Variants in TOR1A observed in about 807,000 individuals in gnomAD.
The protein encoded by TOR1A is torsin family 1 member A.
TOR1A carries 18 observed loss-of-function variants against 31.4 expected under a neutral mutation model. The observed-to-expected ratio is 0.57, with a 90% confidence interval of 0.40 to 0.85. TOR1A has a LOEUF of 0.85. Among genes scored for constraint, TOR1A ranks in the 40% least tolerant of loss-of-function variants. The pLI, the probability that TOR1A is intolerant of heterozygous loss-of-function variation, is 0.00. For synonymous variants in TOR1A, 168 were observed against 165.9 expected, an observed-to-expected ratio of 1.01 and a Z score of -0.10; for missense variants, 375 against 416.4, an observed-to-expected ratio of 0.90 and a Z score of 0.87.
rs1199909964 is a variant in TOR1A, at chr9:129,813,972, T to A, written c.999A>T (p.Ter333CysextTer3). The A allele has an allele frequency of 1.2e-6, 2 of 1,614,012 alleles. No individual in the cohort carries two copies. The highest frequency in any genetic ancestry group is 1.7e-6 in the Non-Finnish European group (2 of 1,180,028). The change falls in exon 5 of 5, where the codon TGA (stop) becomes TGT (cysteine). Residue 333 changes from the stop codon to cysteine, a stop_lost. Transcript: ENST00000351698. ...FTKLDYYYDD[*>C] ...TGACTCCGGCTGCCAATCATGACTG[T>A]CAATCATCGTAGTAATAATCTAACT... is the stretch of plus-strand genomic sequence containing the variant.
rs1179447360 is a variant in TOR1A at position 129,813,960 on chromosome 9, C to G, written c.*12G>C. 1 of 1,613,622 alleles carries G rather than the reference C, an allele frequency of 6.2e-7. No homozygotes were observed. The highest frequency in any genetic ancestry group is 8.5e-7 in the Non-Finnish European group (1 of 1,180,044). On this transcript the variant is annotated 3_prime_UTR_variant, in exon 5 of 5. Transcript: ENST00000351698. ...AACTCCAGGCAGTGACTCCGGCTGC[C>G]AATCATGACTGTCAATCATCGTAGT...
rs947763435 is a variant in TOR1A at position 129,818,993 on chromosome 9, G to C, written c.445-73C>G. 4.5e-6 allele frequency: 7 copies of C among 1,539,418 alleles called. No individual in the cohort carries two copies. The Admixed American group carries it at 1.2e-4, about 26-fold the overall frequency. On this transcript the variant is annotated intron_variant, in intron 2 of 4. Coordinates refer to ENST00000351698, the MANE Select transcript of TOR1A (RefSeq NM_000113.3). Reference sequence around the variant, plus strand: ...ATCAATCAGCTCCTTCTACCACTAAGAACCGCAGCTTCACTTACAGACCAC... The same window carrying C: ...ATCAATCAGCTCCTTCTACCACTAACAACCGCAGCTTCACTTACAGACCAC...
intron 4 of TOR1A, among the ~76,000 whole-genome samples, chr9:129,814,607 G>A (rs1292175077): frequency 2.0e-5 from 3 of 151,758 alleles, no homozygotes; most frequent in Non-Finnish European, 4.4e-5. Flanking sequence ...TTCTGTGACA[G>A]CAGAAGCTGT....
chr9:129,820,137 T>A (rs542983594), intron 2 of TOR1A, among the ~76,000 whole-genome samples: 1 of 142,100 alleles, frequency 7.0e-6, no homozygotes, highest in Non-Finnish European at 1.6e-5. Context: ...TATAACTTTT[T>A]TTTTTTGACA....
chr9:129,820,128 A>G (rs1189440775), intron 2 of TOR1A, among the ~76,000 whole-genome samples: 5 of 148,664 alleles, frequency 3.4e-5, no homozygotes, highest in Admixed American at 2.7e-4. Context: ...CACTGTTCAT[A>G]TAACTTTTTT....
intron 2 of TOR1A, chr9:129,821,526 G>C (rs922568723): frequency 1.3e-5 from 2 of 152,190 alleles, no homozygotes; most frequent in African/African-American, 4.8e-5. Flanking sequence ...TACGGAGCTG[G>C]GAGAGTGTTA....
In TOR1A at chr9:129,824,114, T is replaced by G; in HGVS notation, c.-29A>C. 3.9e-6 allele frequency: 6 copies of G among 1,545,050 alleles called. No individual in the cohort carries two copies. Among genetic ancestry groups the G allele is most frequent in the Non-Finnish European group, 5.2e-6 (6 of 1,150,660 alleles). The stretch of plus-strand genomic sequence containing the variant: ...CGGACCCGCGCCACCCTGCTTGTTC[T>G]CGCGCCGACCGCGAACCGGTGCAGC... On this transcript the variant is annotated 5_prime_UTR_variant, in exon 1 of 5. Coordinates refer to ENST00000351698, the MANE Select transcript of TOR1A (RefSeq NM_000113.3).
chr9:129,819,788 T>G (rs1307575248), intron 2 of TOR1A, among the ~76,000 whole-genome samples: 2 of 149,570 alleles, frequency 1.3e-5, no homozygotes, highest in Non-Finnish European at 3.0e-5. Context: ...CCAGGCATAG[T>G]GGCAGGCGCC....
At chr9:129,815,580 C>A (rs2031015703) in intron 4 of TOR1A, among the ~76,000 whole-genome samples, 1 of 152,182 alleles carries the variant, frequency 6.6e-6, no homozygotes, top group African/African-American at 2.4e-5. Flanking sequence ...GCCACGCAGA[C>A]CCAGGAGTGA....
chr9:129,820,728 G>A (rs1409068562), intron 2 of TOR1A, among the ~76,000 whole-genome samples: 1 of 152,020 alleles, frequency 6.6e-6, no homozygotes, highest in African/African-American at 2.4e-5. Flanking sequence ...CTAAGTAGCT[G>A]GGACTACAGG....
chr9:129,813,078 A>G lies in TOR1A; in HGVS notation c.*894T>C, dbSNP rs2030931932. The stretch of plus-strand genomic sequence containing the variant: ...ATTCTGATTGAACGTAACAAATAAT[A>G]GTATAAATGAGGAAGATTTAATATG... On this transcript the variant is annotated 3_prime_UTR_variant, in exon 5 of 5. Coordinates refer to ENST00000351698, the MANE Select transcript of TOR1A (RefSeq NM_000113.3). 1 of 152,224 alleles carries G rather than the reference A, an allele frequency of 6.6e-6. No homozygotes were observed. Among genetic ancestry groups the G allele is most frequent in the Admixed American group, 6.5e-5 (1 of 15,282 alleles). The allele number at this position is 152,224 out of a possible 1,614,324, so 9.4% of individuals were successfully genotyped here. A position where few individuals can be genotyped will look rare whatever the true frequency, so the allele number is the denominator to read the frequency against.
chr9:129,819,237 G>A (rs1463825206), intron 2 of TOR1A, among the ~76,000 whole-genome samples: 1 of 152,180 alleles, frequency 6.6e-6, no homozygotes, highest in Non-Finnish European at 1.5e-5. Flanking sequence ...CCCGCACTGC[G>A]AGATGCCACA....
At chr9:129,823,086 GTGCCAC>G (rs1266183026) in intron 1 of TOR1A, among the ~76,000 whole-genome samples, 1 of 152,052 alleles carries the variant, frequency 6.6e-6, no homozygotes, top group Non-Finnish European at 1.5e-5. Flanking sequence ...AAGCCCCTTG[GTGCCAC>G]TGCCACTGCC....
intron 1 of TOR1A, among the ~76,000 whole-genome samples, 180 bp from the exon 2 acceptor site, chr9:129,823,026 C>T (rs917881924): frequency 6.6e-6 from 1 of 152,208 alleles, no homozygotes; most frequent in Admixed American, 6.5e-5. Flanking sequence ...GGGAGCCCTC[C>T]CTTTGCTGGT....
chr9:129,823,967 G>C lies in TOR1A; in HGVS notation c.119C>G (p.Pro40Arg), dbSNP rs901616588. The stretch of plus-strand genomic sequence containing the variant: ...CTCGGCGAAGAGGCAGTAGAGACGC[G>C]GGTAGATGTAGCCGGTGAGGACGCC... ...LAGVLTGYIY[P>R]RLYCLFAECC... is the part of the protein sequence containing the mutation. The change falls in exon 1 of 5, where the codon CCG (proline) becomes CGG (arginine). Residue 40 changes from proline to arginine, a missense_variant. By Grantham distance (103) the Pro-to-Arg change is moderately radical (BLOSUM62 -2). Transcript: ENST00000351698. 6.2e-7 allele frequency: 1 copy of C among 1,611,298 alleles called. No homozygotes were observed. The highest frequency in any genetic ancestry group is 1.7e-5 in the Admixed American group (1 of 59,942).
In TOR1A at chr9:129,822,826, C is replaced by T. The variant is rs750057303; in HGVS notation, c.199G>A (p.Asp67Asn). Residue 67 changes from aspartate to asparagine, a missense_variant, in exon 2 of 5, where the codon GAC becomes AAC. Transcript: ENST00000351698. ...SREALQKDLD[D>N]NLFGQHLAKK... ...GCAAGATGCTGTCCAAAGAGGTTGT[C>T]GTCCAGATCCTTCTGCAGTGCTGGG... 1.9e-6 allele frequency: 3 copies of T among 1,614,164 alleles called. No individual in the cohort carries two copies. Among genetic ancestry groups the T allele is most frequent in the Admixed American group, 3.3e-5 (2 of 60,032 alleles).
intron 2 of TOR1A, among the ~76,000 whole-genome samples, chr9:129,820,989 TAGATAC>T (rs2031170850): frequency 6.6e-6 from 1 of 152,184 alleles, no homozygotes; most frequent in South Asian, 2.1e-4. Context: ...CATTTTTCCA[TAGATAC>T]AGTCAGGGAT....
intron 4 of TOR1A, among the ~76,000 whole-genome samples, chr9:129,817,491 GAGATAAGACCATCCT>G (rs1482412665): frequency 2.6e-5 from 4 of 151,238 alleles, no homozygotes; most frequent in East Asian, 3.9e-4. Flanking sequence ...ACGAGGTCAG[GAGATAAGACCATCCT>G]GGCTAACATG....
At position 129,813,599 on chromosome 9, in the gene TOR1A, CATA is replaced by C. The variant is rs1007858749; in HGVS notation, c.*370_*372del. On this transcript the variant is annotated 3_prime_UTR_variant, in exon 5 of 5. Transcript: ENST00000351698. ...ACAACTTAGAATCTGAGCAGTCTCT[CATA>C]ATGTTAAAAATCATTTTAAATAAAG... 3 of 350,262 alleles carry C rather than the reference CATA, an allele frequency of 8.6e-6. No individual in the cohort carries two copies. The highest frequency in any genetic ancestry group is 1.6e-5 in the Non-Finnish European group (3 of 184,320). 21.7% of individuals were successfully genotyped at this position (350,262 alleles called of 1,614,324 possible). A position where few individuals can be genotyped will look rare whatever the true frequency, so the allele number is the denominator to read the frequency against.
Sources: gnomAD v4.1 joint callset for allele counts (sites outside exome capture counted in the v4.1 genomes callset) on GRCh38, gnomAD v4.1.1 for gene constraint, MANE v1.5 for transcripts, NCBI Gene and HGNC (gene_info 2026-07-23, HGNC 2026-07-21) for gene names.